Variants in TGM3 observed in about 807,000 individuals in gnomAD.
TGM3 encodes protein-glutamine gamma-glutamyltransferase E.
A neutral mutation model predicts 73.8 loss-of-function variants in TGM3; 52 were observed. That is an observed-to-expected ratio of 0.70 (90% CI 0.56 to 0.89). The LOEUF (loss-of-function observed/expected upper bound fraction) is 0.89. TGM3 is among the 40% of genes least tolerant of loss of function. The probability of loss-of-function intolerance (pLI) is 0.00; values close to 1 mark genes in which losing one functional copy is unlikely to be tolerated. For missense variants in TGM3, 928 were observed against 909.9 expected, an observed-to-expected ratio of 1.02 and a Z score of -0.26; for synonymous variants, 372 against 354.9, an observed-to-expected ratio of 1.05 and a Z score of -0.54.
chr20:2,317,503 T>C lies in TGM3; in HGVS notation c.983+18T>C, dbSNP rs1262051099. 6 of 1,613,230 alleles carry C rather than the reference T, an allele frequency of 3.7e-6. No individual in the cohort carries two copies. Among genetic ancestry groups the C allele is most frequent in the Non-Finnish European group, 5.1e-6 (6 of 1,179,440 alleles). ...AGCGTATGGTAAGTATCTCACCTTT[T>C]CCCTGAACTTCGAGCACCACATTTG... On this transcript the variant is annotated intron_variant, in intron 7 of 12. Transcript: ENST00000381458.
In TGM3 at chr20:2,332,075, G is replaced by A. The variant is rs367986861; in HGVS notation, c.1407G>A (p.Thr469=). ...KLKPNTPFAA[T]SSMGLETEEQ... is the part of the protein sequence containing the mutation. ...AACCCAACACGCCATTTGCCGCGACGTCTTCAATGGGTTTGGAAACAGAGG... is the reference window on the plus strand; with the variant it reads ...AACCCAACACGCCATTTGCCGCGACATCTTCAATGGGTTTGGAAACAGAGG... Residue 469 remains threonine, a synonymous_variant, in exon 10 of 13, where the codon ACG becomes ACA. Coordinates refer to ENST00000381458, the MANE Select transcript of TGM3 (RefSeq NM_003245.4). The surrounding 1 kb of genome is among the most constrained non-coding windows in gnomAD (Gnocchi z 4.4). 92 of 1,614,074 alleles carry A rather than the reference G, an allele frequency of 5.7e-5. No homozygotes were observed. Among genetic ancestry groups the A allele is most frequent in the African/African-American group, 1.2e-4 (9 of 74,926 alleles).
At chr20:2,302,438 A>T (rs1026923627) in intron 1 of TGM3, among the ~76,000 whole-genome samples, 3 of 152,216 alleles carry the variant, frequency 2.0e-5, no homozygotes, top group Admixed American at 1.3e-4. Flanking sequence ...CCCAAAAAAC[A>T]ATAGCTTAGA....
intron 1 of TGM3, among the ~76,000 whole-genome samples, chr20:2,301,254 G>T (rs1313231463): frequency 6.6e-6 from 1 of 151,520 alleles, no homozygotes; most frequent in Non-Finnish European, 1.5e-5. Context: ...GGAGGGGCCA[G>T]CCAGGAGCTA....
rs1179898924 is a variant in TGM3, at chr20:2,332,309, A to G, written c.1641A>G (p.Glu547=). Residue 547 remains glutamate (E), a splice_region_variant and synonymous_variant, in exon 10 of 13, where the codon GAA becomes GAG. Coordinates refer to ENST00000381458, the MANE Select transcript of TGM3 (RefSeq NM_003245.4). The surrounding 1 kb of genome is among the most constrained non-coding windows in gnomAD (Gnocchi z 4.4). ...CCACAATGTCCCTGGACCCTGAGGA[A>G]GGTAACGCATCCCGCAGTTGGAGGA... ...DSATMSLDPE[E]EAEHPIKISY... is the part of the protein sequence containing the mutation. 1.9e-6 allele frequency: 3 copies of G among 1,584,034 alleles called. No homozygotes were observed. The highest frequency in any genetic ancestry group is 2.6e-6 in the Non-Finnish European group (3 of 1,163,534).
chr20:2,331,929 C>T, intron 9 of TGM3, 73 bp from the exon 10 acceptor site: 1 of 1,518,182 alleles, frequency 6.6e-7, no homozygotes, highest in Non-Finnish European at 8.9e-7. Flanking sequence ...GCCGCCTGTC[C>T]AGGCAGGGTA....
At chr20:2,317,897 AG>A (rs1445128864) in intron 7 of TGM3, among the ~76,000 whole-genome samples, 6 of 150,082 alleles carry the variant, frequency 4.0e-5, no homozygotes, top group Non-Finnish European at 8.9e-5. Context: ...AAAGAGAATA[AG>A]AAAAGCAACA....
At chr20:2,303,731 G>A (rs561700403) in intron 1 of TGM3, among the ~76,000 whole-genome samples, 13 of 152,216 alleles carry the variant, frequency 8.5e-5, no homozygotes, top group African/African-American at 3.1e-4. Context: ...ACGAGTGAAC[G>A]TTGGGATAGA....
intron 8 of TGM3, among the ~76,000 whole-genome samples, chr20:2,326,728 T>A (rs575539513): frequency 6.6e-6 from 1 of 151,964 alleles, no homozygotes; most frequent in South Asian, 2.1e-4. Context: ...CATGCCTTAA[T>A]CCCAGCTACT....
rs1381194967 is a variant in TGM3, at chr20:2,310,367, C to T, written c.371C>T (p.Ser124Phe). Residue 124 changes from serine to phenylalanine, a missense_variant, in exon 3 of 13, where the codon TCC becomes TTC. Physicochemically the swap from Ser to Phe is radical, Grantham distance 155 (BLOSUM62 -2). Coordinates refer to ENST00000381458, the MANE Select transcript of TGM3 (RefSeq NM_003245.4). ...CAGATCTTCTCCCAGGGCGGCATCT[C>T]CTCTGTGAAACTTGGGACGTTCATA... ...ALQIFSQGGI[S>F]SVKLGTFILL... 6.2e-7 allele frequency: 1 copy of T among 1,614,226 alleles called. No individual in the cohort carries two copies. Among genetic ancestry groups the T allele is most frequent in the South Asian group, 1.1e-5 (1 of 91,086 alleles).
chr20:2,330,967 C>T lies in TGM3; in HGVS notation c.1334-1035C>T, dbSNP rs549218825. Among the ~76,000 whole-genome samples, 371 of 128,890 alleles carry T rather than the reference C, an allele frequency of 2.9e-3. 3 individuals are homozygous for T. The highest frequency in any genetic ancestry group is 0.025 in the South Asian group (95 of 3,784). The allele number at this position is 128,890 out of a possible 152,430, so 84.6% of individuals were successfully genotyped here. On this transcript the variant is annotated intron_variant, in intron 9 of 12. Coordinates refer to ENST00000381458, the MANE Select transcript of TGM3 (RefSeq NM_003245.4). ...GTTGCAGTGAGTTGAGATCATGCCA[C>T]TGCACTCCAGCTTGGGTGACAGAGT...
Position 2,316,717 on chromosome 20 carries a change from T to C in TGM3, c.670-351T>C, listed in dbSNP as rs555431391. ...ACAGCAGTGATAGCCTGTGGATTCTTACCTGCCAGAAGTCCTCTGCAAGCT... is the reference window on the plus strand; with the variant it reads ...ACAGCAGTGATAGCCTGTGGATTCTCACCTGCCAGAAGTCCTCTGCAAGCT... On this transcript the variant is annotated intron_variant, in intron 5 of 12. Transcript: ENST00000381458. Among the ~76,000 whole-genome samples, 9 of 152,330 alleles carry C rather than the reference T, an allele frequency of 5.9e-5. No homozygotes were observed. The South Asian group carries it at 1.0e-3, about 18-fold the overall frequency.
At chr20:2,309,306 C>T (rs1363367808) in intron 1 of TGM3, among the ~76,000 whole-genome samples, 1 of 152,154 alleles carries the variant, frequency 6.6e-6, no homozygotes, top group African/African-American at 2.4e-5. Context: ...AACATTTGGC[C>T]CGTTCCTTAA....
chr20:2,318,786 A>T (rs1325443815), intron 7 of TGM3, among the ~76,000 whole-genome samples: 1 of 152,266 alleles, frequency 6.6e-6, no homozygotes, highest in African/African-American at 2.4e-5. Flanking sequence ...CAGAATAAGT[A>T]TATCTAACTT....
chr20:2,299,737 T>G (rs1241504192), intron 1 of TGM3, among the ~76,000 whole-genome samples: 1 of 152,174 alleles, frequency 6.6e-6, no homozygotes, highest in Non-Finnish European at 1.5e-5. Context: ...TAAGTGTAGA[T>G]GATAAACGGG....
chr20:2,317,238 CA>C lies in TGM3; in HGVS notation c.842del (p.Asn281ThrfsTer13). ...GQCWVFAGTLNTALRSLGIPS... is the reference protein window; with the variant it reads ...GQCWVFAGTLXTALRSLGIPS... Reference sequence around the variant, plus strand: ...AGTGCTGGGTCTTTGCTGGGACCCTCAACACAGGTACCTTGGGTGTGGTGTG... The same window carrying C: ...AGTGCTGGGTCTTTGCTGGGACCCTCACACAGGTACCTTGGGTGTGGTGTG... On this transcript the variant is annotated frameshift_variant, in exon 6 of 13. Coordinates refer to ENST00000381458, the MANE Select transcript of TGM3 (RefSeq NM_003245.4). LOFTEE classifies it high-confidence loss of function. The C allele has an allele frequency of 6.2e-7, 1 of 1,614,160 alleles. No individual in the cohort carries two copies. The highest frequency in any genetic ancestry group is 8.5e-7 in the Non-Finnish European group (1 of 1,180,034).
At position 2,309,811 on chromosome 20, in the gene TGM3, G is replaced by A. The variant is rs776212414; in HGVS notation, c.162G>A (p.Leu54=). Residue 54 remains leucine (L), a synonymous_variant, in exon 2 of 13, where the codon CTG becomes CTA. Coordinates refer to ENST00000381458, the MANE Select transcript of TGM3 (RefSeq NM_003245.4). The stretch of plus-strand genomic sequence containing the variant: ...AAGGCCTTGGCTCTAACGAAAGACT[G>A]GAGTTCATTGTCTCCACAGGTACCT... ...MNKGLGSNER[L]EFIVSTGPYP... 1 of 1,614,218 alleles carries A rather than the reference G, an allele frequency of 6.2e-7. No individual in the cohort carries two copies. Among genetic ancestry groups the A allele is most frequent in the Non-Finnish European group, 8.5e-7 (1 of 1,180,030 alleles).
intron 7 of TGM3, among the ~76,000 whole-genome samples, chr20:2,322,478 C>CA (rs2084267410): frequency 6.6e-6 from 1 of 152,150 alleles, no homozygotes; most frequent in African/African-American, 2.4e-5. Flanking sequence ...AAAAAATCTT[C>CA]AAAAATAAGA....
At chr20:2,317,767 T>G (rs918933924) in intron 7 of TGM3, among the ~76,000 whole-genome samples, 5 of 151,934 alleles carry the variant, frequency 3.3e-5, no homozygotes, top group Non-Finnish European at 7.4e-5. Flanking sequence ...CACTCTGAAT[T>G]TATGGGATCC....
chr20:2,335,003 G>A (rs2084341182), intron 10 of TGM3, 113 bp from the exon 11 acceptor site: 2 of 1,361,618 alleles, frequency 1.5e-6, no homozygotes, highest in South Asian at 1.3e-5. Flanking sequence ...TCAAGCCCGG[G>A]GCTGCAGATC....
Sources: gnomAD v4.1 joint callset for allele counts (sites outside exome capture counted in the v4.1 genomes callset) on GRCh38, gnomAD v4.1.1 for gene constraint, Gnocchi (gnomAD v3.1) non-coding constraint, MANE v1.5 for transcripts, NCBI Gene and HGNC (gene_info 2026-07-23, HGNC 2026-07-21) for gene names.